The following CFAP299 variants were observed in gnomAD, a reference collection of about 807,000 sequenced individuals.
The protein encoded by CFAP299 is cilia and flagella associated protein 299.
Under a neutral mutation model 27.0 loss-of-function variants are expected in CFAP299, and 21 were observed. The ratio of observed to expected loss-of-function variants is 0.78; its 90% CI spans 0.55 to 1.12. The LOEUF (loss-of-function observed/expected upper bound fraction) is 1.12. Ranked by LOEUF, CFAP299 falls within the 50% of genes most tolerant of loss-of-function variation. The probability of loss-of-function intolerance (pLI) is 0.00; values close to 1 mark genes in which losing one functional copy is unlikely to be tolerated. For synonymous variants in CFAP299, 104 were observed against 98.1 expected (o/e 1.06, Z -0.36); for missense variants, 310 against 276.6 (o/e 1.12, Z -0.86).
intron 3 of CFAP299, among the ~76,000 whole-genome samples, chr4:80,851,373 G>C (rs971799444): frequency 3.3e-5 from 5 of 152,092 alleles, no homozygotes; most frequent in Non-Finnish European, 4.4e-5. Context: ...GTGGTTCTAA[G>C]TAAATTCTTT....
rs141010793 is a variant in CFAP299 at position 80,348,113 on chromosome 4, G to T, written c.111+12234G>T. Among the ~76,000 whole-genome samples the T allele has an allele frequency of 6.2e-3, 948 of 152,236 alleles. 2 individuals are homozygous for T. The highest frequency in any genetic ancestry group is 0.024 in the Middle Eastern group (7 of 294). ...GTTATATGCAGAAAAATTGAAACTG[G>T]ATCCCCTCTGTACACCATATACAAA... On this transcript the variant is annotated intron_variant, in intron 1 of 5. Transcript: ENST00000358105.
intron 3 of CFAP299, among the ~76,000 whole-genome samples, chr4:80,605,349 G>A (rs963369656): frequency 5.9e-5 from 9 of 151,978 alleles, no homozygotes; most frequent in African/African-American, 9.7e-5. Flanking sequence ...GGAGGGGAAG[G>A]AAAATACCAA....
At chr4:80,855,108 G>C (rs566858178) in intron 3 of CFAP299, among the ~76,000 whole-genome samples, 48 of 152,138 alleles carry the variant, frequency 3.2e-4, no homozygotes, top group Admixed American at 1.4e-3. Context: ...GAAAACAGTG[G>C]ATAAAGACAA....
At chr4:80,532,830 ACT>A (rs1422850517) in intron 2 of CFAP299, among the ~76,000 whole-genome samples, 4 of 152,152 alleles carry the variant, frequency 2.6e-5, no homozygotes, top group African/African-American at 9.7e-5. Flanking sequence ...CAGGAAGAAA[ACT>A]CTGCAAAGCT....
At chr4:80,733,884 T>C (rs180796468) in intron 3 of CFAP299, among the ~76,000 whole-genome samples, 6 of 152,316 alleles carry the variant, frequency 3.9e-5, no homozygotes, top group African/African-American at 1.2e-4. Context: ...ACACTTAGGT[T>C]GCTTCCAAAT....
At chr4:80,775,005 T>G (rs940388105) in intron 3 of CFAP299, among the ~76,000 whole-genome samples, 2 of 151,712 alleles carry the variant, frequency 1.3e-5, no homozygotes, top group Non-Finnish European at 2.9e-5. Flanking sequence ...TGTATACATA[T>G]GTAACTAACC....
At chr4:80,572,540 G>T in intron 2 of CFAP299, among the ~76,000 whole-genome samples, 1 of 23,668 alleles carries the variant, frequency 4.2e-5, no homozygotes. Flanking sequence ...TTTTTTGAGA[G>T]GGAGTCTTGC....
intron 1 of CFAP299, among the ~76,000 whole-genome samples, chr4:80,344,254 G>T (rs1204282068): frequency 6.6e-6 from 1 of 150,624 alleles, no homozygotes; most frequent in East Asian, 1.9e-4. Flanking sequence ...CTGCTACCTA[G>T]ACTAGTAAAA....
chr4:80,513,791 T>C (rs1732439249), intron 2 of CFAP299, among the ~76,000 whole-genome samples: 1 of 152,114 alleles, frequency 6.6e-6, no homozygotes, highest in Admixed American at 6.6e-5. Flanking sequence ...TTGAGAATAA[T>C]AAAATTTGCA....
chr4:80,889,371 A>T (rs1734133967), intron 4 of CFAP299, among the ~76,000 whole-genome samples: 1 of 152,008 alleles, frequency 6.6e-6, no homozygotes, highest in Non-Finnish European at 1.5e-5. Context: ...TACATTGAAA[A>T]ACCTACAAGA....
intron 1 of CFAP299, among the ~76,000 whole-genome samples, chr4:80,358,152 T>A (rs1723363729): frequency 6.6e-6 from 1 of 151,960 alleles, no homozygotes; most frequent in African/African-American, 2.4e-5. Context: ...TGGTTTTGAT[T>A]GAATTTTTTA....
intron 3 of CFAP299, among the ~76,000 whole-genome samples, chr4:80,804,606 G>A (rs1728770877): frequency 6.6e-6 from 1 of 151,910 alleles, no homozygotes; most frequent in African/African-American, 2.4e-5. Context: ...ATATTTCTTT[G>A]AGATCCTGTT....
At chr4:80,365,009 A>G (rs1053347313) in intron 2 of CFAP299, among the ~76,000 whole-genome samples, 4 of 152,190 alleles carry the variant, frequency 2.6e-5, no homozygotes, top group African/African-American at 9.6e-5. Context: ...TCTATCATTG[A>G]TGAGCATTTG....
chr4:80,870,386 A>G lies in CFAP299; in HGVS notation c.476+251A>G, dbSNP rs575913655. On this transcript the variant is annotated intron_variant, in intron 4 of 5. Coordinates refer to ENST00000358105, the MANE Select transcript of CFAP299 (RefSeq NM_152770.3). ...CCCAGTGACATTCCTTTTTAATGAT[A>G]AGTAGTGCCTAAATTTTGTTAACCT... is the stretch of plus-strand genomic sequence containing the variant. 264 of 1,132,358 alleles carry G rather than the reference A, an allele frequency of 2.3e-4. No individual in the cohort carries two copies. The African/African-American group carries it at 4.0e-3, about 17-fold the overall frequency. The allele number at this position is 1,132,358 out of a possible 1,614,324, so 70.1% of individuals were successfully genotyped here.
chr4:80,727,019 C>G (rs1269297785), intron 3 of CFAP299, among the ~76,000 whole-genome samples: 1 of 151,710 alleles, frequency 6.6e-6, no homozygotes, highest in East Asian at 1.9e-4. Context: ...AGCATTCCAG[C>G]AAAAATAAAG....
chr4:80,584,545 G>A (rs888976561), intron 3 of CFAP299, among the ~76,000 whole-genome samples: 4 of 152,008 alleles, frequency 2.6e-5, no homozygotes, highest in African/African-American at 9.7e-5. Context: ...AGATCAACCT[G>A]TTTTATTTCC....
chr4:80,844,077 G>A (rs150099035), intron 3 of CFAP299, among the ~76,000 whole-genome samples: 5,409 of 152,140 alleles, frequency 0.036, 199 homozygotes, highest in African/African-American at 0.099. Context: ...TACAAAGGAC[G>A]TGAAGTCATC....
At chr4:80,435,514 C>T (rs527663413) in intron 2 of CFAP299, among the ~76,000 whole-genome samples, 1 of 152,276 alleles carries the variant, frequency 6.6e-6, no homozygotes, top group East Asian at 1.9e-4. Flanking sequence ...AATTGTTCAA[C>T]CCCTAAGGAA....
At chr4:80,625,764 T>C (rs1738855653) in intron 3 of CFAP299, among the ~76,000 whole-genome samples, 1 of 151,946 alleles carries the variant, frequency 6.6e-6, no homozygotes, top group Non-Finnish European at 1.5e-5. Context: ...ATATAGACTT[T>C]AAGTAAAACT....
Sources: gnomAD v4.1 joint callset for allele counts (sites outside exome capture counted in the v4.1 genomes callset) on GRCh38, gnomAD v4.1.1 for gene constraint, MANE v1.5 for transcripts, NCBI Gene and HGNC (gene_info 2026-07-23, HGNC 2026-07-21) for gene names.